The following TERF1 variants were observed in gnomAD, a reference collection of about 807,000 sequenced individuals.
TERF1 encodes the protein telomeric repeat binding factor 1, also known as telomeric repeat-binding factor 1.
TERF1 carries 20 observed loss-of-function variants against 55.1 expected under a neutral mutation model. That is an observed-to-expected ratio of 0.36 (90% CI 0.26 to 0.53). The LOEUF is 0.53. Ranked by LOEUF, TERF1 falls within the 20% of genes least tolerant of loss-of-function variation. The pLI is 0.91. For missense variants in TERF1, 439 were observed against 535.7 expected, an observed-to-expected ratio of 0.82 and a Z score of 1.78; for synonymous variants, 168 against 181.2, an observed-to-expected ratio of 0.93 and a Z score of 0.59.
intron 8 of TERF1, among the ~76,000 whole-genome samples, chr8:73,034,115 C>T (rs868463570): frequency 1.9e-5 from 2 of 105,466 alleles, no homozygotes; most frequent in Non-Finnish European, 4.1e-5. Flanking sequence ...CCACACCCTG[C>T]TATTTTTTTG....
At chr8:73,025,373 T>C (rs1406314519) in intron 5 of TERF1, among the ~76,000 whole-genome samples, 1 of 152,198 alleles carries the variant, frequency 6.6e-6, no homozygotes, top group Non-Finnish European at 1.5e-5. Flanking sequence ...ATGCCTGTAA[T>C]GCTAGCACTT....
chr8:73,028,865 C>A (rs1809151575), intron 6 of TERF1, among the ~76,000 whole-genome samples: 1 of 152,124 alleles, frequency 6.6e-6, no homozygotes, highest in African/African-American at 2.4e-5. Flanking sequence ...TTACCTGATT[C>A]TTTCAATAGA....
rs1243410188 is a variant in TERF1, at chr8:73,046,125, C to T, written c.1308C>T (p.Asp436=). Reference sequence around the variant, plus strand: ...AGAAACTAAAACTGATTTCCTCAGACAGCGAAGACTGATTGTGTTTGTAAA... The same window carrying T: ...AGAAACTAAAACTGATTTCCTCAGATAGCGAAGACTGATTGTGTTTGTAAA... ...TMKKLKLISS[D]SED The change falls in exon 10 of 10, where the codon GAC becomes GAT. Residue 436 remains aspartate (D), a synonymous_variant. Transcript: ENST00000276603. 1.1e-5 allele frequency: 17 copies of T among 1,588,596 alleles called. No homozygotes were observed. Among genetic ancestry groups the T allele is most frequent in the Non-Finnish European group, 1.4e-5 (16 of 1,170,438 alleles).
chr8:73,037,736 G>A (rs188944278), intron 8 of TERF1, among the ~76,000 whole-genome samples: 58,999 of 81,908 alleles, frequency 0.72, 21,881 homozygotes, highest in African/African-American at 0.86. Context: ...TATATAGTAT[G>A]AAATATATAT....
intron 8 of TERF1, among the ~76,000 whole-genome samples, chr8:73,037,479 ATATAT>A (rs981420833): frequency 2.0e-5 from 2 of 102,456 alleles, no homozygotes; most frequent in African/African-American, 7.1e-5. Flanking sequence ...AATATATTAA[ATATAT>A]TTATATATAA....
At chr8:73,037,216 TA>T (rs1382915827) in intron 8 of TERF1, among the ~76,000 whole-genome samples, 1 of 136,390 alleles carries the variant, frequency 7.3e-6, no homozygotes, top group Non-Finnish European at 1.5e-5. Flanking sequence ...AATTTATATA[TA>T]ATTATAATAT....
chr8:73,044,309 G>A (rs897244016), intron 9 of TERF1, among the ~76,000 whole-genome samples: 4 of 152,162 alleles, frequency 2.6e-5, no homozygotes, highest in Non-Finnish European at 4.4e-5. Context: ...GACCAGGTTC[G>A]TATCTTGGAT....
Position 73,022,298 on chromosome 8 carries a change from A to T in TERF1, c.620A>T (p.His207Leu). ...AGAATATTTGGTGATCCAAATTCTC[A>T]TATGGTAATTATTTAAATTAAAACC... ...FERIFGDPNS[H>L]MPFKSKLLMI... The change falls in exon 4 of 10, where the codon CAT (histidine) becomes CTT (leucine). Residue 207 changes from histidine to leucine, a missense_variant. Around this residue, in one of 4 missense-constraint regions of TERF1, gnomAD observed 95 missense variants for 167.2 expected, o/e 0.57. Transcript: ENST00000276603. 2 of 1,553,840 alleles carry T rather than the reference A, an allele frequency of 1.3e-6. No individual in the cohort carries two copies. The highest frequency in any genetic ancestry group is 1.7e-6 in the Non-Finnish European group (2 of 1,144,892).
At position 73,047,647 on chromosome 8, in the gene TERF1, T is replaced by C. The variant is rs1272949577; in HGVS notation, c.*1510T>C. Reference sequence around the variant, plus strand: ...CATAAAAAATCAAATGGTGGTGTTTTGTAATCTCTATTGTATTTCCTATTA... The same window carrying C: ...CATAAAAAATCAAATGGTGGTGTTTCGTAATCTCTATTGTATTTCCTATTA... On this transcript the variant is annotated 3_prime_UTR_variant, in exon 10 of 10. Coordinates refer to ENST00000276603, the MANE Select transcript of TERF1 (RefSeq NM_017489.3). 6.6e-6 allele frequency: 1 copy of C among 152,248 alleles called. No individual in the cohort carries two copies. Among genetic ancestry groups the C allele is most frequent in the East Asian group, 1.9e-4 (1 of 5,200 alleles). The allele number at this position is 152,248 out of a possible 1,614,324, so 9.4% of individuals were successfully genotyped here.
intron 2 of TERF1, among the ~76,000 whole-genome samples, chr8:73,020,159 G>C (rs1004583184): frequency 6.6e-6 from 1 of 152,180 alleles, no homozygotes; most frequent in Non-Finnish European, 1.5e-5. Flanking sequence ...TTGAATGTCC[G>C]AATGGGTTGT....
intron 8 of TERF1, among the ~76,000 whole-genome samples, chr8:73,036,497 TTAA>T (rs1202142636): frequency 6.6e-6 from 1 of 152,130 alleles, no homozygotes; most frequent in African/African-American, 2.4e-5. Context: ...CACCATTACA[TTAA>T]GTTTCCTGTG....
intron 1 of TERF1, chr8:73,012,578 C>G (rs572035624): frequency 1.2e-5 from 2 of 161,594 alleles, no homozygotes. Flanking sequence ...GAGGCTGAGG[C>G]AGAAGAATGG....
intron 2 of TERF1, chr8:73,019,118 A>G (rs1314073694): frequency 1.3e-5 from 2 of 152,194 alleles, no homozygotes; most frequent in African/African-American, 4.8e-5. Context: ...CATTCAAGAA[A>G]GAGGTGCTGT....
rs765637906 is a variant in TERF1, at chr8:73,008,864, A to C, written c.-23A>C. On this transcript the variant is annotated 5_prime_UTR_variant, in exon 1 of 10. Coordinates refer to ENST00000276603, the MANE Select transcript of TERF1 (RefSeq NM_017489.3). ...ATCGTTGCTCGGCGCCTGAAGGGGC[A>C]GTACCCAAGCGAGCCATTTAACATG... is the stretch of plus-strand genomic sequence containing the variant. 3.2e-6 allele frequency: 5 copies of C among 1,584,074 alleles called. No individual in the cohort carries two copies. Among genetic ancestry groups the C allele is most frequent in the Non-Finnish European group, 4.3e-6 (5 of 1,166,288 alleles).
At chr8:73,028,232 T>G (rs948156555) in intron 6 of TERF1, among the ~76,000 whole-genome samples, 2 of 152,178 alleles carry the variant, frequency 1.3e-5, no homozygotes, top group African/African-American at 4.8e-5. Context: ...ACCCACTTAT[T>G]TCAGATGCTC....
chr8:73,013,892 TAGC>T lies in TERF1; in HGVS notation c.320-2_320del. ...AATAAAATTTACTTTTTTTCTTTTT[TAGC>T]TATTATTCATGGACTATCCAGTCTA... On this transcript the variant is annotated splice_acceptor_variant and coding_sequence_variant, in exon 2 of 10. Transcript: ENST00000276603. LOFTEE classifies it high-confidence loss of function. 1 of 1,590,440 alleles carries T rather than the reference TAGC, an allele frequency of 6.3e-7. No homozygotes were observed. The highest frequency in any genetic ancestry group is 8.6e-7 in the Non-Finnish European group (1 of 1,169,010).
chr8:73,025,092 A>G, intron 5 of TERF1, 121 bp downstream of exon 5: 1 of 599,230 alleles, frequency 1.7e-6, no homozygotes, highest in Non-Finnish European at 2.6e-6. Flanking sequence ...GTTTTGTAGA[A>G]AGGTGTGGTA....
intron 1 of TERF1, chr8:73,010,129 C>T (rs986296927): frequency 3.9e-5 from 6 of 152,204 alleles, no homozygotes; most frequent in African/African-American, 1.4e-4. Context: ...GCTAAAATTA[C>T]TGTGCAAGTA....
At chr8:73,030,104 A>G (rs538451646) in intron 6 of TERF1, 75 of 359,326 alleles carry the variant, frequency 2.1e-4, no homozygotes, top group South Asian at 4.8e-4. Context: ...ATGCTTGACT[A>G]CACCATTAAT....
Sources: allele counts gnomAD v4.1 joint callset (sites outside exome capture counted in the v4.1 genomes callset), GRCh38; gene constraint gnomAD v4.1.1; regional missense constraint gnomAD v4.1.1; transcripts MANE v1.5; gene names NCBI Gene and HGNC (gene_info 2026-07-23, HGNC 2026-07-21).